Variants in ERG observed in about 807,000 individuals in gnomAD.
The protein encoded by ERG is ETS transcription factor ERG.
ERG carries 9 observed loss-of-function variants against 55.3 expected under a neutral mutation model. The ratio of observed to expected loss-of-function variants is 0.16; its 90% CI spans 0.10 to 0.28. The LOEUF (loss-of-function observed/expected upper bound fraction) is 0.28, where lower values mean the gene tolerates loss of function less well. ERG is among the 10% of genes least tolerant of loss of function. The pLI, the probability that ERG is intolerant of heterozygous loss-of-function variation, is 1.00. For missense variants in ERG, 434 were observed against 631.6 expected, an observed-to-expected ratio of 0.69 and a Z score of 3.35; for synonymous variants, 223 against 237.3, an observed-to-expected ratio of 0.94 and a Z score of 0.55.
At chr21:38,570,169 A>G (rs2059948681) in intron 2 of ERG, among the ~76,000 whole-genome samples, 1 of 152,236 alleles carries the variant, frequency 6.6e-6, no homozygotes, top group African/African-American at 2.4e-5. Flanking sequence ...TCCTGCCAGC[A>G]TGGAGGACCC....
At chr21:38,506,807 G>T (rs868309527) in intron 2 of ERG, among the ~76,000 whole-genome samples, 2 of 152,180 alleles carry the variant, frequency 1.3e-5, no homozygotes, top group Middle Eastern at 3.4e-3. Flanking sequence ...TGTGGGTAAG[G>T]CTCTGACCGA....
chr21:38,373,146 T>A, the ERG span, among the ~76,000 whole-genome samples: 2 of 152,188 alleles, frequency 1.3e-5, no homozygotes, highest in Admixed American at 1.3e-4. Flanking sequence ...TTCAGCTCCC[T>A]GGCAGAGCCA....
intron 2 of ERG, among the ~76,000 whole-genome samples, chr21:38,550,531 T>A (rs2146815462): frequency 6.6e-6 from 1 of 152,266 alleles, no homozygotes; most frequent in South Asian, 2.1e-4. Context: ...CACCCTTTTG[T>A]CACAGTGTGA....
intron 2 of ERG, among the ~76,000 whole-genome samples, chr21:38,424,976 A>C (rs540353119): frequency 6.6e-6 from 1 of 152,358 alleles, no homozygotes; most frequent in East Asian, 1.9e-4. Flanking sequence ...TGTCATTTGG[A>C]TAAAGTCAAA....
chr21:38,606,035 GATGATAA>G (rs1411740548), intron 1 of ERG, among the ~76,000 whole-genome samples: 3 of 151,786 alleles, frequency 2.0e-5, no homozygotes, highest in Non-Finnish European at 2.9e-5. Context: ...ATGATTGATA[GATGATAA>G]ATGATAAATG....
chr21:38,498,316 G>A lies in ERG; in HGVS notation c.18+47C>T, dbSNP rs377656671. 6.4e-7 allele frequency: 1 copy of A among 1,557,736 alleles called. No homozygotes were observed. Among genetic ancestry groups the A allele is most frequent in the African/African-American group, 1.4e-5 (1 of 73,606 alleles). ...TTGATAAAGGAAACCAAAGAAAAGA[G>A]TAACAAGAACAAGATTTTGTCAAAT... On this transcript the variant is annotated intron_variant, in intron 1 of 9. Transcript: ENST00000288319. The surrounding 1 kb of genome is among the most constrained non-coding windows in gnomAD (Gnocchi z 4.6).
At chr21:38,394,331 T>C (rs1165346910) in intron 6 of ERG, among the ~76,000 whole-genome samples, 1 of 151,860 alleles carries the variant, frequency 6.6e-6, no homozygotes, top group African/African-American at 2.4e-5. Flanking sequence ...ACCTACTGCA[T>C]CAAAATCAGC....
chr21:38,636,570 G>A (rs2060390291), intron 1 of ERG, among the ~76,000 whole-genome samples: 1 of 152,220 alleles, frequency 6.6e-6, no homozygotes, highest in South Asian at 2.1e-4. Context: ...ACCTGTGGGT[G>A]AAGAGCAGAT....
intron 1 of ERG, among the ~76,000 whole-genome samples, chr21:38,477,493 T>C (rs530130439): frequency 1.6e-4 from 25 of 152,156 alleles, no homozygotes; most frequent in Non-Finnish European, 2.9e-4. Flanking sequence ...GCATTTGCCG[T>C]AACCAGTCGA....
intron 3 of ERG, 65 bp from the exon 4 acceptor site, chr21:38,403,774 C>G: frequency 6.7e-7 from 1 of 1,494,242 alleles, no homozygotes; most frequent in East Asian, 2.3e-5. Flanking sequence ...TGGGGTAGAT[C>G]CCCATCCACG....
At chr21:38,628,305 C>T (rs972484885) in intron 1 of ERG, among the ~76,000 whole-genome samples, 3 of 152,088 alleles carry the variant, frequency 2.0e-5, no homozygotes, top group South Asian at 2.1e-4. Flanking sequence ...ACCCTGAATG[C>T]TGCCTATGTC....
intron 1 of ERG, among the ~76,000 whole-genome samples, chr21:38,631,558 G>A (rs1041440604): frequency 7.2e-5 from 11 of 152,072 alleles, no homozygotes; most frequent in Admixed American, 2.0e-4. Flanking sequence ...AAGGGATGGC[G>A]TGGTCCCAAT....
At chr21:38,438,675 T>C (rs138846240) in intron 2 of ERG, among the ~76,000 whole-genome samples, 24 of 152,360 alleles carry the variant, frequency 1.6e-4, no homozygotes, top group Non-Finnish European at 2.6e-4. Context: ...AGCGCCAATG[T>C]GGCGGGAGGG....
intron 2 of ERG, among the ~76,000 whole-genome samples, chr21:38,559,504 A>G (rs2059879568): frequency 6.8e-6 from 1 of 147,594 alleles, no homozygotes; most frequent in Admixed American, 7.0e-5. Context: ...AGTCATTTAG[A>G]TTTCAGGTCT....
chr21:38,515,418 T>C (rs1377686723), intron 2 of ERG, among the ~76,000 whole-genome samples: 2 of 151,676 alleles, frequency 1.3e-5, no homozygotes, highest in Non-Finnish European at 3.0e-5. Context: ...AGTAATAAGA[T>C]TGGATAGGAA....
At chr21:38,520,621 G>A (rs1477201734) in intron 2 of ERG, among the ~76,000 whole-genome samples, 1 of 152,158 alleles carries the variant, frequency 6.6e-6, no homozygotes, top group Non-Finnish European at 1.5e-5. Flanking sequence ...CATGCACAAA[G>A]GAAAGCTGGG....
chr21:38,454,603 AATAATCT>A lies in ERG; in HGVS notation c.19-8989_19-8983del, dbSNP rs371637223. ...TCTCCCAGGACAGTTAAATGGGCCA[AATAATCT>A]AGTGTGTGTAACAGGTTTCATAAAT... On this transcript the variant is annotated intron_variant, in intron 1 of 9. Coordinates refer to ENST00000288319, the MANE Select transcript of ERG (RefSeq NM_182918.4). Among the ~76,000 whole-genome samples, 10 of 152,334 alleles carry A rather than the reference AATAATCT, an allele frequency of 6.6e-5. No individual in the cohort carries two copies. In the East Asian group the frequency reaches 1.7e-3, roughly 26 times the overall value.
chr21:38,383,129 A>T lies in ERG; in HGVS notation c.*274T>A. On this transcript the variant is annotated 3_prime_UTR_variant, in exon 10 of 10. Coordinates refer to ENST00000288319, the MANE Select transcript of ERG (RefSeq NM_182918.4). The surrounding 1 kb of genome is among the most constrained non-coding windows in gnomAD (Gnocchi z 5.7). ...CACTTTCTTTGGCACTTTGTCCTTAAGACTTCATGCTTCTACATACACTGT... is the reference window on the plus strand; with the variant it reads ...CACTTTCTTTGGCACTTTGTCCTTATGACTTCATGCTTCTACATACACTGT... The T allele has an allele frequency of 3.4e-6, 4 of 1,180,306 alleles. No homozygotes were observed. In the South Asian group the frequency reaches 1.7e-4, roughly 49 times the overall value. 73.1% of individuals were successfully genotyped at this position (1,180,306 alleles called of 1,614,324 possible).
chr21:38,466,547 G>A (rs938194732), intron 1 of ERG, among the ~76,000 whole-genome samples: 16 of 152,012 alleles, frequency 1.1e-4, no homozygotes, highest in Admixed American at 9.2e-4. Context: ...GATCCTGGAA[G>A]ATATACTCCC....
Sources: gnomAD v4.1 joint callset for allele counts (sites outside exome capture counted in the v4.1 genomes callset) on GRCh38, gnomAD v4.1.1 for gene constraint, Gnocchi (gnomAD v3.1) non-coding constraint, MANE v1.5 for transcripts, NCBI Gene and HGNC (gene_info 2026-07-23, HGNC 2026-07-21) for gene names.